The following DHPS variants were observed in gnomAD, a reference collection of about 807,000 sequenced individuals.
The protein encoded by DHPS is deoxyhypusine synthase, also known as migration-inducing gene 13.
Under a neutral mutation model 38.7 loss-of-function variants are expected in DHPS, and 24 were observed. The ratio of observed to expected loss-of-function variants is 0.62; its 90% confidence interval spans 0.45 to 0.87. The LOEUF (loss-of-function observed/expected upper bound fraction) is 0.87, where lower values mean the gene tolerates loss of function less well. DHPS is among the 40% of genes least tolerant of loss of function. DHPS has a pLI of 0.00. For synonymous variants in DHPS, 250 were observed against 204.4 expected, an observed-to-expected ratio of 1.22 and a Z score of -1.90; for missense variants, 510 against 497.6, an observed-to-expected ratio of 1.02 and a Z score of -0.24.
Position 12,679,864 on chromosome 19 carries a change from G to A in DHPS, c.431C>T (p.Ala144Val), listed in dbSNP as rs765222214. The change falls in exon 3 of 9, where the codon GCG becomes GTG. Residue 144 changes from alanine to valine, a missense_variant. Transcript: ENST00000210060. ...GVEEDLIKCL[A>V]PTYLGEFSLR... Reference sequence around the variant, plus strand: ...GCTAAACTCGCCCAAGTATGTGGGCGCCAGGCACTTGATGAGGTCTTCCTC... The same window carrying A: ...GCTAAACTCGCCCAAGTATGTGGGCACCAGGCACTTGATGAGGTCTTCCTC... 7.4e-6 allele frequency: 12 copies of A among 1,614,118 alleles called. No individual in the cohort carries two copies. The East Asian group carries it at 8.9e-5, about 12-fold the overall frequency.
intron 7 of DHPS, 197 bp from the exon 8 acceptor site, chr19:12,676,339 C>G (rs2024587891): frequency 8.8e-6 from 6 of 678,352 alleles, no homozygotes; most frequent in Non-Finnish European, 1.4e-5. Context: ...CTGTGTTTCC[C>G]CAGACCCAAC....
At chr19:12,676,327 G>T in intron 7 of DHPS, 185 bp from the exon 8 acceptor site, 1 of 764,012 alleles carries the variant, frequency 1.3e-6, no homozygotes, top group Non-Finnish European at 2.0e-6. Context: ...GGGCAACGAT[G>T]GCTGTGTTTC....
chr19:12,676,164 G>A (rs1377177765), intron 7 of DHPS, 22 bp from the exon 8 acceptor site: 2 of 1,587,926 alleles, frequency 1.3e-6, no homozygotes, highest in African/African-American at 1.4e-5. Context: ...CGGGGGCACG[G>A]TGGGCCCAGT....
At chr19:12,676,190 G>GACAA (rs2145341060) in intron 7 of DHPS, 48 bp from the exon 8 acceptor site, 1 of 1,564,568 alleles carries the variant, frequency 6.4e-7, no homozygotes, top group Non-Finnish European at 8.6e-7. Flanking sequence ...AGTCACAGGA[G>GACAA]ACAGACACAG....
chr19:12,675,782 G>T lies in DHPS; in HGVS notation c.*56C>A, dbSNP rs759085758. 1 of 1,566,778 alleles carries T rather than the reference G, an allele frequency of 6.4e-7. No homozygotes were observed. The highest frequency in any genetic ancestry group is 1.4e-5 in the African/African-American group (1 of 73,444). ...TGACCAAAAAGTAGGGGAGGGGCTG[G>T]GTCTGCAAATTAATAAATAGAAGAG... On this transcript the variant is annotated 3_prime_UTR_variant, in exon 9 of 9. Coordinates refer to ENST00000210060, the MANE Select transcript of DHPS (RefSeq NM_001930.4).
chr19:12,679,697 T>G lies in DHPS; in HGVS notation c.517A>C (p.Asn173His). Reference sequence around the variant, plus strand: ...TCCTCAAACTTGCAGTAATTCTCATTGGGCACCAGCAGGTTTCCGATCCTG... The same window carrying G: ...TCCTCAAACTTGCAGTAATTCTCATGGGGCACCAGCAGGTTTCCGATCCTG... The part of the protein sequence containing the change: ...INRIGNLLVP[N>H]ENYCKFEDWL... The change falls in exon 4 of 9, where the codon AAT (asparagine) becomes CAT (histidine). Residue 173 changes from asparagine to histidine, a missense_variant. Coordinates refer to ENST00000210060, the MANE Select transcript of DHPS (RefSeq NM_001930.4). The G allele has an allele frequency of 1.9e-6, 3 of 1,614,152 alleles. No individual in the cohort carries two copies. The highest frequency in any genetic ancestry group is 1.7e-6 in the Non-Finnish European group (2 of 1,180,028).
intron 7 of DHPS, 124 bp from the exon 8 acceptor site, chr19:12,676,266 A>G (rs915628275): frequency 8.2e-7 from 1 of 1,225,890 alleles, no homozygotes; most frequent in Non-Finnish European, 1.1e-6. Context: ...CTTCACAGAC[A>G]TTCGCTCCCA....
intron 7 of DHPS, 157 bp from the exon 8 acceptor site, chr19:12,676,299 G>A (rs1276834089): frequency 6.2e-6 from 6 of 965,628 alleles, no homozygotes; most frequent in Non-Finnish European, 8.9e-6. Context: ...GTCAATGTCT[G>A]GGGTCACTAG....
chr19:12,675,446 T>TG (rs1209337065), downstream of DHPS: 7 of 1,552,084 alleles, frequency 4.5e-6, no homozygotes, highest in Non-Finnish European at 6.1e-6. Flanking sequence ...AGGACTGAGA[T>TG]GGGGGGTGCC....
At chr19:12,680,042 AACTTGATTCTATTCCTCT>A in intron 2 of DHPS, 101 bp downstream of exon 2, 1 of 1,554,158 alleles carries the variant, frequency 6.4e-7, no homozygotes, top group Non-Finnish European at 8.7e-7. Context: ...TACAAAACAA[AACTTGATTCTATTCCTCT>A]GCTTATAACA....
downstream of DHPS, chr19:12,675,544 C>G: frequency 6.2e-7 from 1 of 1,605,846 alleles, no homozygotes; most frequent in South Asian, 1.1e-5. Context: ...TCTGGCCCTG[C>G]CTGTGGGTTC....
At chr19:12,674,645 G>T (rs2024516428), downstream of DHPS, among the ~76,000 whole-genome samples, 1 of 152,194 alleles carries the variant, frequency 6.6e-6, no homozygotes, top group South Asian at 2.1e-4. Context: ...ACCAGGGGAA[G>T]TGGGGATCAT....
Position 12,675,913 on chromosome 19 carries a change from C to G in DHPS, c.1035G>C (p.Leu345=). 1 of 1,608,536 alleles carries G rather than the reference C, an allele frequency of 6.2e-7. No homozygotes were observed. Among genetic ancestry groups the G allele is most frequent in the Non-Finnish European group, 8.5e-7 (1 of 1,177,236 alleles). Residue 345 remains leucine (L), a synonymous_variant, in exon 9 of 9, where the codon CTG becomes CTC. Transcript: ENST00000210060. The part of the protein sequence containing the change: ...QPVKVYADAS[L]VFPLLVAETF... ...TTTCAGCCACAAGCAGGGGGAAGAC[C>G]AGGGAGGCGTCAGCATAGACCTGGG...
chr19:12,681,080 C>T (rs2024793135), intron 1 of DHPS: 7 of 1,230,600 alleles, frequency 5.7e-6, no homozygotes, highest in Non-Finnish European at 7.4e-6. Flanking sequence ...GATCCACCCG[C>T]CTCGGCTTCC....
At position 12,679,455 on chromosome 19, in the gene DHPS, A is replaced by C. The variant is rs957702060; in HGVS notation, c.678+2T>G. 6.2e-7 allele frequency: 1 copy of C among 1,614,092 alleles called. No individual in the cohort carries two copies. Among genetic ancestry groups the C allele is most frequent in the Non-Finnish European group, 8.5e-7 (1 of 1,179,982 alleles). On this transcript the variant is annotated splice_donor_variant, in intron 5 of 8. Coordinates refer to ENST00000210060, the MANE Select transcript of DHPS (RefSeq NM_001930.4). LOFTEE classifies it high-confidence loss of function. The stretch of plus-strand genomic sequence containing the variant: ...CTACTTTGCTCCCGCTTAGGTCCTC[A>C]CCTTCTGGGCCCAGTAATACACGGA...
At chr19:12,681,130 C>T in intron 1 of DHPS, 2 of 1,276,698 alleles carry the variant, frequency 1.6e-6, no homozygotes, top group Non-Finnish European at 2.0e-6. Context: ...CCGCGCCCAG[C>T]CAGCCCCCAC....
At chr19:12,674,683 C>T (rs2024517872), downstream of DHPS, among the ~76,000 whole-genome samples, 1 of 152,058 alleles carries the variant, frequency 6.6e-6, no homozygotes, top group South Asian at 2.1e-4. Flanking sequence ...CAGGATGGAG[C>T]CCAGCTGGTG....
downstream of DHPS, chr19:12,672,589 C>T (rs2024455189): frequency 3.9e-6 from 2 of 508,460 alleles, no homozygotes; most frequent in African/African-American, 1.9e-5. Context: ...GCCTGAGCAA[C>T]AAGAGCAAAA....
chr19:12,677,485 T>A, intron 5 of DHPS, 89 bp from the exon 6 acceptor site: 1 of 1,065,954 alleles, frequency 9.4e-7, no homozygotes, highest in Non-Finnish European at 1.4e-6. Flanking sequence ...ATGGGGTGCC[T>A]AATTTCTCTA....
Sources: gnomAD v4.1 joint callset for allele counts (sites outside exome capture counted in the v4.1 genomes callset) on GRCh38, gnomAD v4.1.1 for gene constraint, MANE v1.5 for transcripts, NCBI Gene and HGNC (gene_info 2026-07-23, HGNC 2026-07-21) for gene names.